The following SH3KBP1 variants were observed in gnomAD, a reference collection of about 807,000 sequenced individuals.
The protein encoded by SH3KBP1 is SH3 domain-containing kinase-binding protein 1.
Under a neutral mutation model 50.1 loss-of-function variants are expected in SH3KBP1, and 8 were observed. That is an observed-to-expected ratio of 0.16 (90% CI 0.09 to 0.29). The LOEUF (loss-of-function observed/expected upper bound fraction) is 0.29. Ranked by LOEUF, SH3KBP1 falls within the 10% of genes least tolerant of loss-of-function variation. The pLI, the probability that SH3KBP1 is intolerant of heterozygous loss-of-function variation, is 1.00. For missense variants in SH3KBP1, 377 were observed against 535.2 expected (o/e 0.70, Z 2.92); for synonymous variants, 227 against 218.6 (o/e 1.04, Z -0.34).
At chrX:19,658,580 T>C (rs1341254584) in intron 6 of SH3KBP1, among the ~76,000 whole-genome samples, 2 of 111,681 alleles carry the variant, frequency 1.8e-5, no homozygotes, top group Admixed American at 9.5e-5. Flanking sequence ...TTCTTTCTTT[T>C]TTGAGATGGT....
At chrX:19,599,873 C>T (rs1355763466) in intron 9 of SH3KBP1, among the ~76,000 whole-genome samples, 6 of 111,104 alleles carry the variant, frequency 5.4e-5, no homozygotes, top group South Asian at 7.5e-4. Flanking sequence ...AGGCGCCAGG[C>T]GCGGTGGCTC....
intron 12 of SH3KBP1, among the ~76,000 whole-genome samples, chrX:19,570,093 A>G (rs1377381740): frequency 8.9e-6 from 1 of 112,235 alleles, no homozygotes; most frequent in Non-Finnish European, 1.9e-5. Flanking sequence ...AATGAGTAGT[A>G]CCAGATTTAG....
chrX:19,799,693 G>T, intron 2 of SH3KBP1: 1 of 1,208,781 alleles, frequency 8.3e-7, no homozygotes, highest in Non-Finnish European at 1.1e-6. Flanking sequence ...ATTCTGTGAA[G>T]TATGAAATGG....
intron 1 of SH3KBP1, among the ~76,000 whole-genome samples, chrX:19,878,256 G>A (rs772127057): frequency 4.6e-5 from 5 of 109,706 alleles, no homozygotes; most frequent in Non-Finnish European, 7.6e-5. Context: ...GTGTGAATTC[G>A]AGGGATCTGT....
chrX:19,848,602 C>T (rs765164076), intron 1 of SH3KBP1, among the ~76,000 whole-genome samples: 1 of 112,381 alleles, frequency 8.9e-6, no homozygotes, highest in Non-Finnish European at 1.9e-5. Context: ...ATTTGTCCTG[C>T]CTTTCCTATA....
rs72616082 is a variant in SH3KBP1 at position 19,667,865 on chromosome X, A to T, written c.726+15958T>A. The stretch of plus-strand genomic sequence containing the variant: ...ACCGTATACTTGAATTATTTTCATT[A>T]AAAACAAAACTAGCCAGAATTAAGT... On this transcript the variant is annotated intron_variant, in intron 6 of 17. Transcript: ENST00000397821. 6.0e-4 allele frequency among the ~76,000 whole-genome samples: 58 copies of T among 97,272 alleles called. 1 individual carries two copies. The East Asian group carries it at 0.014, about 23-fold the overall frequency. 84.5% of individuals were successfully genotyped at this position (97,272 alleles called of 115,157 possible).
intron 2 of SH3KBP1, among the ~76,000 whole-genome samples, chrX:19,766,196 G>C (rs1304292103): frequency 6.4e-5 from 7 of 110,056 alleles, no homozygotes; most frequent in Non-Finnish European, 1.1e-4. Context: ...TTTTTTTATA[G>C]CAGCCATCCT....
At chrX:19,561,956 C>G (rs942283630) in intron 13 of SH3KBP1, among the ~76,000 whole-genome samples, 1 of 109,378 alleles carries the variant, frequency 9.1e-6, no homozygotes, top group African/African-American at 3.3e-5. Context: ...ATCAGGGCAT[C>G]CTGCTGACCT....
chrX:19,626,093 C>A (rs770425034), intron 8 of SH3KBP1, among the ~76,000 whole-genome samples: 1 of 111,696 alleles, frequency 9.0e-6, no homozygotes, highest in East Asian at 2.8e-4. Context: ...TGGTCCCGGG[C>A]TCTTGCTGCC....
intron 1 of SH3KBP1, among the ~76,000 whole-genome samples, chrX:19,845,886 A>C (rs1484981678): frequency 9.0e-6 from 1 of 111,575 alleles, no homozygotes; most frequent in African/African-American, 3.3e-5. Flanking sequence ...CTGGAATTAC[A>C]GGGGTGAGTC....
chrX:19,783,352 A>T (rs946672256), intron 2 of SH3KBP1, among the ~76,000 whole-genome samples: 1 of 112,347 alleles, frequency 8.9e-6, no homozygotes, highest in Non-Finnish European at 1.9e-5. Flanking sequence ...TGATCAAATC[A>T]GAATTAGCAT....
intron 1 of SH3KBP1, among the ~76,000 whole-genome samples, chrX:19,852,309 G>A (rs890790899): frequency 5.4e-5 from 6 of 111,131 alleles, no homozygotes; most frequent in African/African-American, 2.0e-4. Flanking sequence ...CGAGGCCCCA[G>A]ACACTGTAGA....
chrX:19,574,782 C>G (rs1345753978), intron 12 of SH3KBP1, among the ~76,000 whole-genome samples: 1 of 112,341 alleles, frequency 8.9e-6, no homozygotes, highest in African/African-American at 3.2e-5. Context: ...CAAAAAAATT[C>G]TTGCAGATCC....
At chrX:19,744,203 C>T (rs925261534) in intron 3 of SH3KBP1, among the ~76,000 whole-genome samples, 4 of 112,326 alleles carry the variant, frequency 3.6e-5, no homozygotes, top group African/African-American at 9.7e-5. Flanking sequence ...TTAGTTGGAC[C>T]GAAGTGTTTA....
intron 2 of SH3KBP1, chrX:19,799,747 T>G: frequency 8.3e-7 from 1 of 1,198,775 alleles, no homozygotes; most frequent in Non-Finnish European, 1.1e-6. Flanking sequence ...ATAAGTTCCG[T>G]GCTCTCCGAG....
intron 2 of SH3KBP1, among the ~76,000 whole-genome samples, chrX:19,821,194 C>A (rs1364988085): frequency 1.8e-5 from 2 of 111,795 alleles, no homozygotes; most frequent in Admixed American, 1.9e-4. Context: ...AGTTTGACAC[C>A]AGCCTGGCCA....
chrX:19,689,950 C>T (rs906923114), intron 5 of SH3KBP1, among the ~76,000 whole-genome samples: 5 of 111,344 alleles, frequency 4.5e-5, no homozygotes, highest in Non-Finnish European at 5.7e-5. Flanking sequence ...ATGCAAGGGA[C>T]GCTGAGCAAT....
At chrX:19,762,885 A>G (rs2065475128) in intron 2 of SH3KBP1, among the ~76,000 whole-genome samples, 1 of 112,300 alleles carries the variant, frequency 8.9e-6, no homozygotes, top group African/African-American at 3.2e-5. Flanking sequence ...CTCCCTTGCC[A>G]TTTAGACCAC....
In SH3KBP1 at chrX:19,808,892, A is replaced by G. The variant is rs1367151462; in HGVS notation, c.162+27233T>C. On this transcript the variant is annotated intron_variant, in intron 2 of 17. Coordinates refer to ENST00000397821, the MANE Select transcript of SH3KBP1 (RefSeq NM_031892.3). ...ATCTTTGCAGCTCTCTACATCTCTG[A>G]GCTGAAATCAGAAGTCTACTTATTT... Among the ~76,000 whole-genome samples, 7 of 111,919 alleles carry G rather than the reference A, an allele frequency of 6.3e-5. 1 individual carries two copies. The highest frequency in any genetic ancestry group is 1.6e-4 in the African/African-American group (5 of 30,803).
Sources: gnomAD v4.1 joint callset for allele counts (sites outside exome capture counted in the v4.1 genomes callset) on GRCh38, gnomAD v4.1.1 for gene constraint, MANE v1.5 for transcripts, NCBI Gene and HGNC (gene_info 2026-07-23, HGNC 2026-07-21) for gene names.